The following CACNA2D1 variants were observed in gnomAD, a reference collection of about 807,000 sequenced individuals.
CACNA2D1 encodes voltage-dependent calcium channel subunit alpha-2/delta-1.
A neutral mutation model predicts 171.5 loss-of-function variants in CACNA2D1; 53 were observed. The ratio of observed to expected loss-of-function variants is 0.31; its 90% confidence interval spans 0.25 to 0.39. The LOEUF (loss-of-function observed/expected upper bound fraction) is 0.39, where lower values mean the gene tolerates loss of function less well. CACNA2D1 is among the 10% of genes least tolerant of loss of function. CACNA2D1 has a pLI of 1.00. For missense variants in CACNA2D1, 903 were observed against 1,299.8 expected (o/e 0.69, Z 4.69); for synonymous variants, 442 against 443.1 (o/e 1.00, Z 0.03).
chr7:82,412,535 A>T, intron 1 of CACNA2D1, among the ~76,000 whole-genome samples: 1 of 151,930 alleles, frequency 6.6e-6, no homozygotes, highest in East Asian at 2.0e-4. Flanking sequence ...TGCCCGCCTC[A>T]GCCTCCCAAA....
At chr7:81,957,122 A>G (rs1793483454) in intron 38 of CACNA2D1, among the ~76,000 whole-genome samples, 1 of 152,160 alleles carries the variant, frequency 6.6e-6, no homozygotes, top group African/African-American at 2.4e-5. Flanking sequence ...TTGTGTTAGC[A>G]TCTTTTGTAA....
chr7:82,344,766 A>T (rs1819054677), intron 2 of CACNA2D1, among the ~76,000 whole-genome samples: 1 of 152,142 alleles, frequency 6.6e-6, no homozygotes, highest in Non-Finnish European at 1.5e-5. Context: ...AATTGCCTAC[A>T]TCGTTATGGT....
chr7:82,022,408 C>T (rs1801344465), intron 12 of CACNA2D1, among the ~76,000 whole-genome samples: 1 of 151,808 alleles, frequency 6.6e-6, no homozygotes, highest in African/African-American at 2.4e-5. Flanking sequence ...ATTTAAGAAG[C>T]TGTTGAAAGC....
intron 20 of CACNA2D1, 24 bp downstream of exon 20, chr7:81,994,844 G>C (rs745341333): frequency 1.3e-5 from 15 of 1,158,638 alleles, no homozygotes; most frequent in Non-Finnish European, 2.0e-5. Flanking sequence ...TTTTATTTAA[G>C]AATAAGCTAG....
chr7:81,974,040 G>A (rs754577995), intron 25 of CACNA2D1, among the ~76,000 whole-genome samples: 1 of 151,418 alleles, frequency 6.6e-6, no homozygotes, highest in Non-Finnish European at 1.5e-5. Context: ...TTTATACTTC[G>A]GTTTTTATTC....
intron 6 of CACNA2D1, among the ~76,000 whole-genome samples, chr7:82,094,439 C>T (rs560832508): frequency 5.3e-5 from 8 of 152,176 alleles, no homozygotes; most frequent in South Asian, 2.1e-4. Context: ...ACATGTTTTA[C>T]GTACACAGAG....
intron 3 of CACNA2D1, among the ~76,000 whole-genome samples, chr7:82,297,963 T>C (rs969971903): frequency 1.3e-5 from 2 of 152,078 alleles, no homozygotes. Context: ...TAGAGTAAAA[T>C]TGAAATTTTA....
At chr7:82,036,217 C>T (rs1803272412) in intron 11 of CACNA2D1, among the ~76,000 whole-genome samples, 1 of 152,152 alleles carries the variant, frequency 6.6e-6, no homozygotes, top group African/African-American at 2.4e-5. Flanking sequence ...TCTATTCCCA[C>T]ACCAGCATCT....
At chr7:82,294,409 A>G (rs1033608892) in intron 3 of CACNA2D1, among the ~76,000 whole-genome samples, 2 of 152,042 alleles carry the variant, frequency 1.3e-5, no homozygotes, top group African/African-American at 4.8e-5. Context: ...GGTTATTCAC[A>G]CTTGCAATTT....
At chr7:81,999,148 T>C (rs969758096) in intron 18 of CACNA2D1, among the ~76,000 whole-genome samples, 6 of 152,126 alleles carry the variant, frequency 3.9e-5, no homozygotes, top group South Asian at 4.1e-4. Context: ...TCAGGAAGAA[T>C]TGGCAATATG....
At chr7:82,323,257 A>G (rs372944166) in intron 3 of CACNA2D1, among the ~76,000 whole-genome samples, 112 of 151,484 alleles carry the variant, frequency 7.4e-4, no homozygotes, top group African/African-American at 2.7e-3. Context: ...CGAGCTTGCT[A>G]TGTTGTTAAA....
intron 6 of CACNA2D1, among the ~76,000 whole-genome samples, chr7:82,086,521 TTA>T (rs1584694671): frequency 6.6e-6 from 1 of 152,138 alleles, no homozygotes; most frequent in African/African-American, 2.4e-5. Flanking sequence ...AAGCAGCCAG[TTA>T]TATGAGAATT....
intron 10 of CACNA2D1, chr7:82,050,359 T>C (rs536328100): frequency 4.0e-6 from 2 of 503,176 alleles, no homozygotes; most frequent in East Asian, 6.2e-5. Flanking sequence ...AAGAGTTTAT[T>C]ACTCATAGCA....
At chr7:82,441,234 T>C (rs2129460026) in intron 1 of CACNA2D1, among the ~76,000 whole-genome samples, 1 of 152,194 alleles carries the variant, frequency 6.6e-6, no homozygotes, top group East Asian at 1.9e-4. Flanking sequence ...GAAGTACAAA[T>C]GTCAACCATC....
intron 1 of CACNA2D1, among the ~76,000 whole-genome samples, chr7:82,390,224 CAG>C (rs1337958568): frequency 6.6e-6 from 1 of 152,148 alleles, no homozygotes; most frequent in African/African-American, 2.4e-5. Context: ...CTTCCTCTAA[CAG>C]AAAGTGGAGT....
chr7:82,027,797 G>C (rs1802128890), intron 12 of CACNA2D1: 2 of 151,640 alleles, frequency 1.3e-5, no homozygotes, highest in African/African-American at 4.8e-5. Context: ...ATCTGTTATA[G>C]TGATCATTAT....
At chr7:81,985,975 TAATAA>T (rs1216184676) in intron 21 of CACNA2D1, among the ~76,000 whole-genome samples, 2 of 152,188 alleles carry the variant, frequency 1.3e-5, no homozygotes, top group African/African-American at 2.4e-5. Context: ...AATTGCCAAT[TAATAA>T]AATAAAATAA....
At chr7:82,259,446 A>C (rs1806798232) in intron 3 of CACNA2D1, among the ~76,000 whole-genome samples, 1 of 152,214 alleles carries the variant, frequency 6.6e-6, no homozygotes, top group Non-Finnish European at 1.5e-5. Flanking sequence ...GTTATTTGGA[A>C]TACTAATGAG....
chr7:82,041,980 T>A (rs1272350181), intron 10 of CACNA2D1, among the ~76,000 whole-genome samples: 1 of 152,198 alleles, frequency 6.6e-6, no homozygotes, highest in Non-Finnish European at 1.5e-5. Flanking sequence ...GACCTGCTTT[T>A]AACACAGAAA....
Sources: gnomAD v4.1 joint callset for allele counts (sites outside exome capture counted in the v4.1 genomes callset) on GRCh38, gnomAD v4.1.1 for gene constraint, MANE v1.5 for transcripts, NCBI Gene and HGNC (gene_info 2026-07-23, HGNC 2026-07-21) for gene names.